PCP4: variants seen among roughly 807,000 people sequenced by gnomAD.
PCP4 encodes Purkinje cell protein 4.
A neutral mutation model predicts 10.0 loss-of-function variants in PCP4; 8 were observed. That is an observed-to-expected ratio of 0.80 (90% CI 0.47 to 1.45). The LOEUF (loss-of-function observed/expected upper bound fraction) is 1.45, where lower values mean the gene tolerates loss of function less well. Among genes scored for constraint, PCP4 ranks in the 40% most tolerant of loss-of-function variants. PCP4 has a pLI of 0.00. For missense variants in PCP4, 54 were observed against 74.4 expected, an observed-to-expected ratio of 0.73 and a Z score of 1.01; for synonymous variants, 21 against 23.0, an observed-to-expected ratio of 0.91 and a Z score of 0.24.
At chr21:39,872,346 A>C (rs766046090) in intron 1 of PCP4, among the ~76,000 whole-genome samples, 1 of 152,176 alleles carries the variant, frequency 6.6e-6, no homozygotes, top group Non-Finnish European at 1.5e-5. Flanking sequence ...GTTTCATTAG[A>C]GATGTGATCG....
chr21:39,921,885 C>T (rs1203023165), intron 2 of PCP4, among the ~76,000 whole-genome samples: 1 of 152,228 alleles, frequency 6.6e-6, no homozygotes, highest in Non-Finnish European at 1.5e-5. Context: ...CAAGTATCTG[C>T]TGATGGACTA....
intron 2 of PCP4, among the ~76,000 whole-genome samples, chr21:39,902,329 A>C (rs1253620593): frequency 6.6e-6 from 1 of 152,214 alleles, no homozygotes; most frequent in Admixed American, 6.5e-5. Context: ...GTCTCCATTT[A>C]ATGTATAAAG....
intron 1 of PCP4, among the ~76,000 whole-genome samples, chr21:39,893,057 G>T (rs535867648): frequency 1.9e-4 from 29 of 152,238 alleles, no homozygotes; most frequent in African/African-American, 6.7e-4. Flanking sequence ...ATCAGCATTT[G>T]GTTATACCTC....
At chr21:39,873,140 C>T (rs996676109) in intron 1 of PCP4, among the ~76,000 whole-genome samples, 1 of 149,174 alleles carries the variant, frequency 6.7e-6, no homozygotes, top group Non-Finnish European at 1.5e-5. Flanking sequence ...GAGACTGTAG[C>T]CAGAGAGGCA....
chr21:39,891,593 T>C (rs1355955667), intron 1 of PCP4, among the ~76,000 whole-genome samples: 2 of 152,176 alleles, frequency 1.3e-5, no homozygotes, highest in South Asian at 2.1e-4. Flanking sequence ...CAGCTGGGCC[T>C]GGGGGACCAC....
intron 1 of PCP4, among the ~76,000 whole-genome samples, chr21:39,890,313 G>T (rs1298485875): frequency 2.0e-5 from 3 of 152,132 alleles, no homozygotes; most frequent in Admixed American, 2.0e-4. Context: ...GGAAATATCG[G>T]TCATTCCAAT....
At chr21:39,926,080 G>A (rs1191545357) in intron 2 of PCP4, 1 of 455,982 alleles carries the variant, frequency 2.2e-6, no homozygotes, top group East Asian at 7.0e-5. Context: ...ACACACTCCT[G>A]ACTGGCTCAG....
chr21:39,868,055 G>A (rs1292623542), intron 1 of PCP4, among the ~76,000 whole-genome samples: 2 of 152,146 alleles, frequency 1.3e-5, no homozygotes, highest in East Asian at 1.9e-4. Context: ...GTATAGATCT[G>A]TGGCTCTAAG....
intron 1 of PCP4, among the ~76,000 whole-genome samples, chr21:39,892,158 C>A (rs755935436): frequency 2.0e-5 from 3 of 152,206 alleles, no homozygotes; most frequent in African/African-American, 4.8e-5. Flanking sequence ...CCTATGCGGG[C>A]GTGACAGAGG....
At chr21:39,914,038 G>A (rs2087555441) in intron 2 of PCP4, among the ~76,000 whole-genome samples, 1 of 2,158 alleles carries the variant, frequency 4.6e-4, no homozygotes, top group African/African-American at 5.4e-3. Context: ...TGGGAGAAAG[G>A]CATTTAAATC....
intron 2 of PCP4, among the ~76,000 whole-genome samples, chr21:39,910,960 C>T (rs2087537017): frequency 1.3e-5 from 2 of 152,194 alleles, no homozygotes; most frequent in Admixed American, 6.5e-5. Context: ...CATTTTATCT[C>T]TTTGGGTTGC....
At chr21:39,918,869 G>C (rs2087581479) in intron 2 of PCP4, among the ~76,000 whole-genome samples, 1 of 152,250 alleles carries the variant, frequency 6.6e-6, no homozygotes, top group Admixed American at 6.5e-5. Context: ...GAAGGACACA[G>C]TGGCTCTCTG....
At chr21:39,916,767 A>G (rs1328091709) in intron 2 of PCP4, among the ~76,000 whole-genome samples, 1 of 150,700 alleles carries the variant, frequency 6.6e-6, no homozygotes, top group Admixed American at 6.6e-5. Flanking sequence ...ATGCAGCTCT[A>G]AAAAAGGAAT....
chr21:39,880,184 A>ATATC (rs1289303999), intron 1 of PCP4, among the ~76,000 whole-genome samples: 106 of 141,878 alleles, frequency 7.5e-4, no homozygotes, highest in African/African-American at 2.9e-3. Context: ...ATCTATATCT[A>ATATC]TATCTATCTA....
intron 2 of PCP4, among the ~76,000 whole-genome samples, chr21:39,917,553 T>C (rs996132379): frequency 6.6e-6 from 1 of 152,180 alleles, no homozygotes; most frequent in Non-Finnish European, 1.5e-5. Context: ...TGCATTGGGA[T>C]GGCCCTCTAC....
intron 1 of PCP4, among the ~76,000 whole-genome samples, chr21:39,873,430 A>G (rs2087330008): frequency 6.6e-6 from 1 of 152,164 alleles, no homozygotes; most frequent in African/African-American, 2.4e-5. Flanking sequence ...TAAATAATTG[A>G]TATTTGAATA....
At chr21:39,899,389 G>T (rs2837276) in intron 2 of PCP4, among the ~76,000 whole-genome samples, 20,980 of 152,118 alleles carry the variant, frequency 0.14, 1,633 homozygotes, top group Middle Eastern at 0.23. Flanking sequence ...TGAAATTGAT[G>T]CTAGTGTCCA....
chr21:39,911,186 G>A (rs142619876), intron 2 of PCP4, among the ~76,000 whole-genome samples: 126 of 152,216 alleles, frequency 8.3e-4, no homozygotes, highest in African/African-American at 2.8e-3. Flanking sequence ...CAATGGATGG[G>A]ATCTGAATGG....
At chr21:39,882,451 T>C (rs901895268) in intron 1 of PCP4, among the ~76,000 whole-genome samples, 2 of 152,170 alleles carry the variant, frequency 1.3e-5, no homozygotes, top group Non-Finnish European at 2.9e-5. Context: ...CCAGCTGTAC[T>C]GGGGAGGACT....
Sources: allele counts gnomAD v4.1 joint callset (sites outside exome capture counted in the v4.1 genomes callset), GRCh38; gene constraint gnomAD v4.1.1; transcripts MANE v1.5; gene names NCBI Gene and HGNC (gene_info 2026-07-23, HGNC 2026-07-21).